Variants in SI observed in about 807,000 individuals in gnomAD.
The protein encoded by SI is sucrase-isomaltase, intestinal.
Under a neutral mutation model 253.3 loss-of-function variants are expected in SI, and 235 were observed. The ratio of observed to expected loss-of-function variants is 0.93; its 90% CI spans 0.83 to 1.03. SI has a LOEUF of 1.03. Among genes scored for constraint, SI ranks in the 50% least tolerant of loss-of-function variants. The pLI, the probability that SI is intolerant of heterozygous loss-of-function variation, is 0.00. For synonymous variants in SI, 819 were observed against 712.0 expected (o/e 1.15, Z -2.39); for missense variants, 2,442 against 2,211.1 (o/e 1.10, Z -2.09).
intron 35 of SI, among the ~76,000 whole-genome samples, chr3:165,008,588 A>G (rs1445313519): frequency 6.6e-6 from 1 of 152,084 alleles, no homozygotes; most frequent in Non-Finnish European, 1.5e-5. Context: ...ACCAATTGCT[A>G]CATCTAATAA....
chr3:165,071,231 AATGTATC>A (rs1353204299), intron 3 of SI, among the ~76,000 whole-genome samples: 2 of 152,144 alleles, frequency 1.3e-5, no homozygotes, highest in East Asian at 3.9e-4. Context: ...ATTAATTAAA[AATGTATC>A]TCCCTGTTGT....
intron 25 of SI, 112 bp downstream of exon 25, chr3:165,030,600 T>C (rs926966818): frequency 9.0e-7 from 1 of 1,106,256 alleles, no homozygotes; most frequent in Admixed American, 1.9e-5. Flanking sequence ...CAAATGATTA[T>C]CTACTTGAAT....
intron 17 of SI, among the ~76,000 whole-genome samples, chr3:165,041,574 T>C (rs1287818962): frequency 6.6e-6 from 1 of 152,040 alleles, no homozygotes; most frequent in Non-Finnish European, 1.5e-5. Context: ...GGACTTACTG[T>C]CTTATCCCAT....
At chr3:165,081,228 T>G (rs908288588), upstream of SI, among the ~76,000 whole-genome samples, 1 of 151,998 alleles carries the variant, frequency 6.6e-6, no homozygotes, top group South Asian at 2.1e-4. Context: ...CAAATATAAA[T>G]TCTTAAAATT....
intron 34 of SI, among the ~76,000 whole-genome samples, chr3:165,009,792 C>T (rs996182672): frequency 1.3e-5 from 2 of 152,120 alleles, no homozygotes; most frequent in Admixed American, 6.6e-5. Context: ...ATATAGCTTT[C>T]TCATTTCCCA....
In SI at chr3:165,063,505, TA is replaced by T; in HGVS notation, c.843del (p.Phe281LeufsTer16). 1 of 1,559,834 alleles carries T rather than the reference TA, an allele frequency of 6.4e-7. No homozygotes were observed. The highest frequency in any genetic ancestry group is 8.8e-7 in the Non-Finnish European group (1 of 1,137,106). On this transcript the variant is annotated frameshift_variant, in exon 8 of 48. Coordinates refer to ENST00000264382, the MANE Select transcript of SI (RefSeq NM_001041.4). LOFTEE classifies it high-confidence loss of function. ...TTTCCAGATGTATCTTCAATACACA[TA>T]AAGAATGTTTGATGGCCGTATAAAT... ...NNNLYGHQTF[F>X]MCIEDTSGKS...
At position 164,979,178 on chromosome 3, in the gene SI, C is replaced by T. The variant is rs1717055317; in HGVS notation, c.*184G>A. ...TGTTAAATATGCCTTAAAATTGAAT[C>T]CAAGTCACATTACTATAATAAAATT... On this transcript the variant is annotated 3_prime_UTR_variant, in exon 48 of 48. Transcript: ENST00000264382. 1 of 569,304 alleles carries T rather than the reference C, an allele frequency of 1.8e-6. No individual in the cohort carries two copies. Among genetic ancestry groups the T allele is most frequent in the Non-Finnish European group, 3.2e-6 (1 of 316,960 alleles). 35.3% of individuals were successfully genotyped at this position (569,304 alleles called of 1,614,324 possible). A position where few individuals can be genotyped will look rare whatever the true frequency, so the allele number is the denominator to read the frequency against.
At chr3:165,076,342 C>T (rs1022907789) in intron 1 of SI, among the ~76,000 whole-genome samples, 3 of 151,760 alleles carry the variant, frequency 2.0e-5, no homozygotes, top group African/African-American at 7.2e-5. Flanking sequence ...TGTGTCTTGC[C>T]TTCTCATTTA....
intron 38 of SI, 75 bp from the exon 39 acceptor site, chr3:164,996,847 T>C: frequency 1.3e-6 from 1 of 747,352 alleles, no homozygotes. Flanking sequence ...TTTCTATTTA[T>C]GATGATGTTC....
chr3:165,062,408 C>T lies in SI; in HGVS notation c.983G>A (p.Gly328Glu), dbSNP rs1714032310. 2.5e-6 allele frequency: 4 copies of T among 1,599,488 alleles called. No homozygotes were observed. The highest frequency in any genetic ancestry group is 3.4e-6 in the Non-Finnish European group (4 of 1,167,428). ...TTGAACTACTTGTTCTGGTGTATCTCCTAGAAGGATGTAAAAATCCAGAAT... is the reference window on the plus strand; with the variant it reads ...TTGAACTACTTGTTCTGGTGTATCTTCTAGAAGGATGTAAAAATCCAGAAT... ...GGILDFYILL[G>E]DTPEQVVQQY... The change falls in exon 9 of 48, where the codon GGA (glycine) becomes GAA (glutamate). Residue 328 changes from glycine to glutamate, a missense_variant. Transcript: ENST00000264382.
chr3:165,086,204 A>T, the SI span, among the ~76,000 whole-genome samples: 1 of 152,092 alleles, frequency 6.6e-6, no homozygotes, highest in Admixed American at 6.6e-5. Flanking sequence ...CAGTGAGCTG[A>T]GATTGTGCCA....
chr3:165,052,584 G>A (rs1428979551), intron 13 of SI, among the ~76,000 whole-genome samples: 1 of 151,984 alleles, frequency 6.6e-6, no homozygotes, highest in Non-Finnish European at 1.5e-5. Flanking sequence ...TTGAACCTGG[G>A]TGGCGGAGGT....
In SI at chr3:165,059,871, T is replaced by A. The variant is rs781650426; in HGVS notation, c.1146+31A>T. The A allele has an allele frequency of 7.9e-5, 127 of 1,603,154 alleles. 1 individual carries two copies. Among genetic ancestry groups the A allele is most frequent in the Non-Finnish European group, 2.1e-5 (25 of 1,171,014 alleles). On this transcript the variant is annotated intron_variant, in intron 10 of 47. Transcript: ENST00000264382. Reference sequence around the variant, plus strand: ...TTATGTGACAATATTTAACTTGATATATATTCCCACGGACCCTTTATTCTA... The same window carrying A: ...TTATGTGACAATATTTAACTTGATAAATATTCCCACGGACCCTTTATTCTA...
In SI at chr3:165,059,228, G is replaced by A. The variant is rs151296973; in HGVS notation, c.1218C>T (p.Asn406=). The A allele has an allele frequency of 2.9e-4, 466 of 1,612,624 alleles. 2 individuals are homozygous for A. The African/African-American group carries it at 5.4e-3, about 19-fold the overall frequency. Residue 406 remains asparagine, a synonymous_variant, in exon 11 of 48, where the codon AAC becomes AAT. Transcript: ENST00000264382. The stretch of plus-strand genomic sequence containing the variant: ...AATCTTGCACAAATTGAGGGAGTCC[G>A]TTAAACGCAACTTGATCATAAGTAA... ...KDFTYDQVAF[N]GLPQFVQDLH...
rs370540330 is a variant in SI at position 165,067,348 on chromosome 3, A to G, written c.627T>C (p.Gly209=). 46 of 1,607,744 alleles carry G rather than the reference A, an allele frequency of 2.9e-5. 1 individual carries two copies. The East Asian group carries it at 3.6e-4, about 13-fold the overall frequency. Reference sequence around the variant, plus strand: ...TAAAATAATACACTTACAAAGTTTTACCGTTGCTTTTCCTAATAACTTGGA... The same window carrying G: ...TAAAATAATACACTTACAAAGTTTTGCCGTTGCTTTTCCTAATAACTTGGA... ...FSIQVIRKSN[G]KTLFDTSIGP... The change falls in exon 6 of 48, where the codon GGT becomes GGC. Residue 209 remains glycine (G), a synonymous_variant. Coordinates refer to ENST00000264382, the MANE Select transcript of SI (RefSeq NM_001041.4).
At chr3:165,068,461 A>G (rs918317377) in intron 5 of SI, among the ~76,000 whole-genome samples, 1 of 151,950 alleles carries the variant, frequency 6.6e-6, no homozygotes, top group African/African-American at 2.4e-5. Context: ...GAAAGCCCCA[A>G]CTCCCGGGTT....
chr3:164,993,108 T>C (rs1717849891), intron 41 of SI, among the ~76,000 whole-genome samples: 1 of 151,770 alleles, frequency 6.6e-6, no homozygotes, highest in Non-Finnish European at 1.5e-5. Flanking sequence ...AAGATGGGCT[T>C]ACACCTCCAT....
At position 165,038,308 on chromosome 3, in the gene SI, G is replaced by T. The variant is rs534484125; in HGVS notation, c.2302-284C>A. ...ATTAGCTTTTTTATTCTTTGTTTTG[G>T]TTTAAAGTTTATGCCTTTAGGAAGG... On this transcript the variant is annotated intron_variant, in intron 20 of 47. Transcript: ENST00000264382. Among the ~76,000 whole-genome samples the T allele has an allele frequency of 1.1e-4, 17 of 151,444 alleles. No homozygotes were observed. The South Asian group carries it at 3.5e-3, about 32-fold the overall frequency.
rs1559989979 is a variant in SI at position 165,015,195 on chromosome 3, AG to A, written c.3926del (p.Pro1309LeufsTer33). The A allele has an allele frequency of 6.2e-7, 1 of 1,613,368 alleles. No homozygotes were observed. The highest frequency in any genetic ancestry group is 1.3e-5 in the African/African-American group (1 of 74,900). On this transcript the variant is annotated frameshift_variant, in exon 33 of 48. Coordinates refer to ENST00000264382, the MANE Select transcript of SI (RefSeq NM_001041.4). LOFTEE classifies it high-confidence loss of function. ...AISGNETKTYPAFERGQQNDV... is the reference protein window; with the variant it reads ...AISGNETKTYXAFERGQQNDV... ...CATTCTGCTGTCCTCTTTCAAATGC[AG>A]GGTAAGTCTTTGTTTCATTTCCTGA...
Sources: gnomAD v4.1 joint callset for allele counts (sites outside exome capture counted in the v4.1 genomes callset) on GRCh38, gnomAD v4.1.1 for gene constraint, MANE v1.5 for transcripts, NCBI Gene and HGNC (gene_info 2026-07-23, HGNC 2026-07-21) for gene names.